The following KLHL4 variants were observed in gnomAD, a reference collection of about 807,000 sequenced individuals.
KLHL4 encodes the protein kelch like family member 4.
Under a neutral mutation model 45.8 loss-of-function variants are expected in KLHL4, and 17 were observed. The observed-to-expected ratio is 0.37, with a 90% confidence interval of 0.25 to 0.56. The LOEUF is 0.56. Among genes scored for constraint, KLHL4 ranks in the 20% least tolerant of loss-of-function variants. The pLI is 0.79. For missense variants in KLHL4, 544 were observed against 544.9 expected, an observed-to-expected ratio of 1.00 and a Z score of 0.02; for synonymous variants, 224 against 189.9, an observed-to-expected ratio of 1.18 and a Z score of -1.47.
At chrX:87,604,366 A>G (rs1397076546) in intron 1 of KLHL4, among the ~76,000 whole-genome samples, 2 of 111,379 alleles carry the variant, frequency 1.8e-5, no homozygotes, top group Admixed American at 1.9e-4. Context: ...TAGCTGTACT[A>G]ATTTATAATC....
intron 7 of KLHL4, 33 bp downstream of exon 7, chrX:87,632,467 T>C (rs1923128514): frequency 1.0e-6 from 1 of 988,887 alleles, no homozygotes; most frequent in Non-Finnish European, 1.4e-6. Context: ...TTTTCAAGAA[T>C]GTATAGTAAG....
chrX:87,592,344 T>G (rs150724156), intron 1 of KLHL4, among the ~76,000 whole-genome samples: 23 of 111,834 alleles, frequency 2.1e-4, no homozygotes, highest in African/African-American at 7.5e-4. Flanking sequence ...ATCTCTTCGA[T>G]GTACTGATTT....
chrX:87,526,538 A>G (rs1442175022), intron 1 of KLHL4, among the ~76,000 whole-genome samples: 1 of 112,145 alleles, frequency 8.9e-6, no homozygotes, highest in Non-Finnish European at 1.9e-5. Flanking sequence ...AAGAAAAGAA[A>G]GTCTTTCTGG....
intron 1 of KLHL4, among the ~76,000 whole-genome samples, chrX:87,572,089 A>G (rs1362320548): frequency 9.0e-6 from 1 of 111,400 alleles, no homozygotes; most frequent in African/African-American, 3.2e-5. Context: ...TTGCATTTCT[A>G]TTTCCAAGAA....
At chrX:87,560,653 C>T (rs969454461) in intron 1 of KLHL4, among the ~76,000 whole-genome samples, 13 of 111,436 alleles carry the variant, frequency 1.2e-4, no homozygotes, top group Non-Finnish European at 2.3e-4. Context: ...ATCTACTCCC[C>T]GTTTCTATGA....
chrX:87,578,109 A>G (rs1010432629), intron 1 of KLHL4, among the ~76,000 whole-genome samples: 3 of 111,487 alleles, frequency 2.7e-5, no homozygotes, highest in African/African-American at 9.7e-5. Context: ...AAATACCAGC[A>G]AAATATTACA....
intron 1 of KLHL4, among the ~76,000 whole-genome samples, chrX:87,525,585 G>T (rs1176256769): frequency 9.0e-6 from 1 of 111,341 alleles, no homozygotes; most frequent in East Asian, 2.8e-4. Context: ...CTAAGAAAAG[G>T]TGACTAGAAG....
intron 1 of KLHL4, among the ~76,000 whole-genome samples, chrX:87,541,224 C>T (rs1931545406): frequency 9.2e-6 from 1 of 109,060 alleles, no homozygotes; most frequent in African/African-American, 3.3e-5. Context: ...CGGTGGTTCA[C>T]GACTGTAATC....
intron 1 of KLHL4, among the ~76,000 whole-genome samples, chrX:87,576,176 G>A (rs1347734267): frequency 5.4e-5 from 6 of 111,533 alleles, no homozygotes; most frequent in Non-Finnish European, 9.4e-5. Flanking sequence ...TATAATTTCT[G>A]ATGAGGTTGG....
chrX:87,566,027 G>A (rs912824230), intron 1 of KLHL4, among the ~76,000 whole-genome samples: 2 of 110,438 alleles, frequency 1.8e-5, no homozygotes, highest in African/African-American at 6.6e-5. Context: ...CCACCATGGC[G>A]CACGTATACC....
At chrX:87,519,039 T>C (rs759703155) in intron 1 of KLHL4, among the ~76,000 whole-genome samples, 1 of 111,927 alleles carries the variant, frequency 8.9e-6, no homozygotes, top group Non-Finnish European at 1.9e-5. Context: ...ATTTTGTCTT[T>C]ACTTTTATGC....
chrX:87,598,245 T>A (rs1836067864), intron 1 of KLHL4, among the ~76,000 whole-genome samples: 1 of 111,074 alleles, frequency 9.0e-6, no homozygotes, highest in South Asian at 3.7e-4. Flanking sequence ...TAATATATTT[T>A]AAAATTATGT....
chrX:87,636,447 G>A (rs772688891), intron 9 of KLHL4, among the ~76,000 whole-genome samples: 13 of 111,714 alleles, frequency 1.2e-4, no homozygotes, highest in Non-Finnish European at 2.1e-4. Context: ...AAGAACTACC[G>A]CAGGAACATA....
At position 87,518,063 on chromosome X, in the gene KLHL4, G is replaced by C. The variant is rs200498506; in HGVS notation, c.170G>C (p.Arg57Pro). The stretch of plus-strand genomic sequence containing the variant: ...CAGGGCAGGTTGAAGAGCCACTCTC[G>C]GGACAGAAACGGACTGAAGAAAAGC... ...PVQGRLKSHSRDRNGLKKSNS... is the reference protein window; with the variant it reads ...PVQGRLKSHSPDRNGLKKSNS... Residue 57 changes from arginine to proline, a missense_variant, in exon 1 of 11, where the codon CGG (arginine) becomes CCG (proline). Physicochemically the swap from Arg to Pro is moderately radical, Grantham distance 103. Transcript: ENST00000373119. 1.7e-6 allele frequency: 2 copies of C among 1,209,922 alleles called. No individual in the cohort carries two copies. The highest frequency in any genetic ancestry group is 3.0e-5 in the East Asian group (1 of 33,739).
In KLHL4 at chrX:87,633,800, G is replaced by A; in HGVS notation, c.1601G>A (p.Trp534Ter). The A allele has an allele frequency of 8.3e-7, 1 of 1,207,041 alleles. No individual in the cohort carries two copies. Among genetic ancestry groups the A allele is most frequent in the Non-Finnish European group, 1.1e-6 (1 of 892,440 alleles). ...PMYAVGGHDG[W>*]SYLNTVERWD... ...TATGCTGTAGGTGGTCATGATGGAT[G>A]GAGCTATCTAAATACTGTAGAAAGA... The change falls in exon 8 of 11, where the codon TGG becomes TAG. Residue 534 changes from tryptophan to a stop codon, truncating the protein, a stop_gained. Transcript: ENST00000373119. LOFTEE classifies it high-confidence loss of function.
At chrX:87,534,845 A>G (rs1427810083) in intron 1 of KLHL4, among the ~76,000 whole-genome samples, 1 of 111,770 alleles carries the variant, frequency 8.9e-6, no homozygotes, top group East Asian at 2.8e-4. Flanking sequence ...GTGGAAAATG[A>G]GATGAAAAAT....
rs188435191 is a variant in KLHL4 at position 87,542,506 on chromosome X, G to T, written c.422+24191G>T. Among the ~76,000 whole-genome samples, 260 of 112,260 alleles carry T rather than the reference G, an allele frequency of 2.3e-3. 2 individuals are homozygous for T. Among genetic ancestry groups the T allele is most frequent in the African/African-American group, 7.9e-3 (244 of 30,998 alleles). On this transcript the variant is annotated intron_variant, in intron 1 of 10. Transcript: ENST00000373119. The stretch of plus-strand genomic sequence containing the variant: ...GCATGCCCTTGATGTAAGACATAAA[G>T]CCAAAAAATATTACTTTGGAGCTTT...
At chrX:87,594,114 T>G (rs1038747296) in intron 1 of KLHL4, among the ~76,000 whole-genome samples, 1 of 111,375 alleles carries the variant, frequency 9.0e-6, no homozygotes, top group African/African-American at 3.3e-5. Flanking sequence ...CAATTGTATT[T>G]GATAGTTTTA....
intron 6 of KLHL4, among the ~76,000 whole-genome samples, chrX:87,631,658 C>T (rs1923098748): frequency 1.8e-5 from 2 of 111,782 alleles, no homozygotes; most frequent in African/African-American, 6.5e-5. Context: ...ACTACAGGTG[C>T]ATGCCACGAC....
Sources: allele counts gnomAD v4.1 joint callset (sites outside exome capture counted in the v4.1 genomes callset), GRCh38; gene constraint gnomAD v4.1.1; transcripts MANE v1.5; gene names NCBI Gene and HGNC (gene_info 2026-07-23, HGNC 2026-07-21).